RANBP2: variants seen among roughly 807,000 people sequenced by gnomAD.
RANBP2 encodes the protein E3 SUMO-protein ligase RanBP2.
RANBP2 carries 57 observed loss-of-function variants against 303.6 expected under a neutral mutation model. The observed-to-expected ratio is 0.19, with a 90% confidence interval of 0.15 to 0.23. The LOEUF is 0.23. Among genes scored for constraint, RANBP2 ranks in the 10% least tolerant of loss-of-function variants. The probability of loss-of-function intolerance (pLI) is 1.00; values close to 1 mark genes in which losing one functional copy is unlikely to be tolerated. For synonymous variants in RANBP2, 1,167 were observed against 1,301.5 expected, an observed-to-expected ratio of 0.90 and a Z score of 2.23; for missense variants, 3,138 against 3,780.8, an observed-to-expected ratio of 0.83 and a Z score of 4.46.
chr2:109,439,399 CA>C, the RANBP2 span, among the ~76,000 whole-genome samples: 20 of 152,258 alleles, frequency 1.3e-4, 1 homozygote, highest in Admixed American at 1.2e-3. Context: ...GTTCCTGCGG[CA>C]TTTTCCACTT....
chr2:108,871,094 T>C, the RANBP2 span, among the ~76,000 whole-genome samples: 1 of 152,168 alleles, frequency 6.6e-6, no homozygotes, highest in Non-Finnish European at 1.5e-5. Flanking sequence ...GACACGTTCC[T>C]ATGGTTGTGT....
the RANBP2 span, among the ~76,000 whole-genome samples, chr2:108,861,611 G>T: frequency 6.6e-6 from 1 of 151,560 alleles, no homozygotes; most frequent in Non-Finnish European, 1.5e-5. Context: ...CTCCTGAGTA[G>T]CTGGGACTAC....
At chr2:109,374,137 C>T in the RANBP2 span, among the ~76,000 whole-genome samples, 1 of 152,180 alleles carries the variant, frequency 6.6e-6, no homozygotes, top group East Asian at 1.9e-4. Flanking sequence ...GGTTCTGCCT[C>T]CACTCTTGGG....
At chr2:109,400,777 T>G in the RANBP2 span, among the ~76,000 whole-genome samples, 2 of 152,230 alleles carry the variant, frequency 1.3e-5, no homozygotes, top group Non-Finnish European at 2.9e-5. Context: ...CTGTAGTGTC[T>G]GGAGCTGTAA....
At chr2:108,910,810 T>C in the RANBP2 span, 2 of 1,613,766 alleles carry the variant, frequency 1.2e-6, no homozygotes, top group Middle Eastern at 1.7e-4. Context: ...CCTTGCTCAC[T>C]TGGGCCTCCA....
the RANBP2 span, among the ~76,000 whole-genome samples, chr2:109,378,219 G>C: frequency 6.6e-6 from 1 of 152,232 alleles, no homozygotes; most frequent in South Asian, 2.1e-4. Context: ...TCACCCACCG[G>C]CTTGCACTCT....
At chr2:109,168,846 G>A in the RANBP2 span, among the ~76,000 whole-genome samples, 2 of 152,204 alleles carry the variant, frequency 1.3e-5, no homozygotes, top group African/African-American at 4.8e-5. Flanking sequence ...CTCAGTGAGA[G>A]TTGTCTTTGG....
the RANBP2 span, among the ~76,000 whole-genome samples, chr2:109,631,302 C>A: frequency 6.6e-6 from 1 of 152,154 alleles, no homozygotes. Context: ...TACACTCCTA[C>A]CTCCATGTAG....
chr2:109,237,119 C>T, the RANBP2 span, among the ~76,000 whole-genome samples: 2 of 152,128 alleles, frequency 1.3e-5, no homozygotes, highest in Non-Finnish European at 2.9e-5. Flanking sequence ...ACAAAATACA[C>T]ATGGAGGAAA....
At chr2:109,356,153 T>C in the RANBP2 span, among the ~76,000 whole-genome samples, 1 of 151,926 alleles carries the variant, frequency 6.6e-6, no homozygotes, top group African/African-American at 2.4e-5. Flanking sequence ...ATTCTTAGAG[T>C]TAATTATGGA....
chr2:109,649,031 G>C, the RANBP2 span, among the ~76,000 whole-genome samples: 29,855 of 152,068 alleles, frequency 0.2, 3,546 homozygotes, highest in Middle Eastern at 0.3. Context: ...TCACAACAAC[G>C]GCGACCTGGA....
chr2:109,245,928 T>C, the RANBP2 span, among the ~76,000 whole-genome samples: 35 of 152,134 alleles, frequency 2.3e-4, no homozygotes, highest in Non-Finnish European at 5.9e-5. Context: ...AGGAAATCCT[T>C]TGAGGGAACA....
the RANBP2 span, among the ~76,000 whole-genome samples, chr2:108,921,154 G>C: frequency 6.6e-6 from 1 of 152,126 alleles, no homozygotes; most frequent in African/African-American, 2.4e-5. Context: ...GTCTCTTTAA[G>C]GATAGGAGGT....
At chr2:109,580,894 T>C in the RANBP2 span, among the ~76,000 whole-genome samples, 2 of 152,136 alleles carry the variant, frequency 1.3e-5, no homozygotes, top group East Asian at 1.9e-4. Context: ...ATTCACTGAG[T>C]TGAGGAAACC....
chr2:109,737,948 GTTAT>G, the RANBP2 span, among the ~76,000 whole-genome samples: 1 of 152,314 alleles, frequency 6.6e-6, no homozygotes, highest in South Asian at 2.1e-4. Context: ...TTTATTTGCT[GTTAT>G]TTGAGTTCTT....
chr2:108,738,432 G>C (rs916104683), intron 6 of RANBP2, among the ~76,000 whole-genome samples: 3 of 151,604 alleles, frequency 2.0e-5, no homozygotes, highest in African/African-American at 7.3e-5. Flanking sequence ...GTACTGGAAG[G>C]TCTCAATCTC....
At chr2:108,971,002 G>A in the RANBP2 span, among the ~76,000 whole-genome samples, 1 of 152,168 alleles carries the variant, frequency 6.6e-6, no homozygotes, top group African/African-American at 2.4e-5. Context: ...GATTGATGCT[G>A]TGTCCTGCTG....
At chr2:109,552,757 T>A in the RANBP2 span, 1 of 215,252 alleles carries the variant, frequency 4.6e-6, no homozygotes, top group Non-Finnish European at 9.2e-6. Flanking sequence ...CACCTAAAAA[T>A]TGTATACCGT....
At chr2:109,197,151 G>C in the RANBP2 span, among the ~76,000 whole-genome samples, 1 of 152,206 alleles carries the variant, frequency 6.6e-6, no homozygotes, top group African/African-American at 2.4e-5. Flanking sequence ...TGGCTCCTGA[G>C]CTCCTGCTGC....
Sources: allele counts gnomAD v4.1 joint callset (sites outside exome capture counted in the v4.1 genomes callset), GRCh38; gene constraint gnomAD v4.1.1; transcripts MANE v1.5; gene names NCBI Gene and HGNC (gene_info 2026-07-23, HGNC 2026-07-21).